The following EPHA6 variants were observed in gnomAD, a reference collection of about 807,000 sequenced individuals.
EPHA6 encodes EPH receptor A6.
A neutral mutation model predicts 112.0 loss-of-function variants in EPHA6; 50 were observed. The observed-to-expected ratio is 0.45, with a 90% confidence interval of 0.36 to 0.56. The LOEUF is 0.56. EPHA6 is among the 20% of genes least tolerant of loss of function. The probability of loss-of-function intolerance (pLI) is 0.00; values close to 1 mark genes in which losing one functional copy is unlikely to be tolerated. For missense variants in EPHA6, 1,280 were observed against 1,417.4 expected (o/e 0.90, Z 1.56); for synonymous variants, 529 against 490.7 (o/e 1.08, Z -1.03).
chr3:97,744,100 C>T (rs553273818), intron 16 of EPHA6, among the ~76,000 whole-genome samples: 2 of 151,884 alleles, frequency 1.3e-5, no homozygotes, highest in African/African-American at 2.4e-5. Context: ...TATACTCCAG[C>T]CCTTTCTATA....
At chr3:97,083,035 A>G (rs868790433) in intron 3 of EPHA6, among the ~76,000 whole-genome samples, 42 of 151,894 alleles carry the variant, frequency 2.8e-4, no homozygotes, top group African/African-American at 9.9e-4. Flanking sequence ...TTCTAACTTA[A>G]TATTCTATCT....
At chr3:97,441,558 G>C in intron 6 of EPHA6, 1 of 416,428 alleles carries the variant, frequency 2.4e-6, no homozygotes, top group Non-Finnish European at 3.2e-6. Flanking sequence ...TGTTTTTACT[G>C]TTACTTTGCA....
intron 2 of EPHA6, among the ~76,000 whole-genome samples, chr3:96,887,844 G>C (rs1189483510): frequency 6.6e-6 from 1 of 151,996 alleles, no homozygotes; most frequent in Non-Finnish European, 1.5e-5. Context: ...TCCCTCTGCT[G>C]AGTCATGCAG....
chr3:97,027,793 CCCTTTGTGG>C (rs750638028), intron 3 of EPHA6, among the ~76,000 whole-genome samples: 40 of 152,164 alleles, frequency 2.6e-4, no homozygotes, highest in Non-Finnish European at 4.1e-4. Context: ...TTATTAACAT[CCCTTTGTGG>C]CCGTAACTAC....
chr3:97,649,139 T>C (rs1257295936), intron 14 of EPHA6, among the ~76,000 whole-genome samples: 1 of 152,052 alleles, frequency 6.6e-6, no homozygotes, highest in African/African-American at 2.4e-5. Context: ...TTATAAAGGA[T>C]AGAGGTTTAA....
At chr3:97,583,622 G>A (rs1041606603) in intron 11 of EPHA6, among the ~76,000 whole-genome samples, 2 of 151,826 alleles carry the variant, frequency 1.3e-5, no homozygotes, top group Non-Finnish European at 2.9e-5. Flanking sequence ...ACAAAACTCT[G>A]ATGAAAGAAA....
chr3:97,309,766 A>G (rs1412419686), intron 5 of EPHA6, among the ~76,000 whole-genome samples: 1 of 151,652 alleles, frequency 6.6e-6, no homozygotes, highest in Non-Finnish European at 1.5e-5. Context: ...ATACATTTTG[A>G]CAGAATGAGA....
At chr3:97,163,067 G>C (rs1448305395) in intron 3 of EPHA6, among the ~76,000 whole-genome samples, 4 of 151,902 alleles carry the variant, frequency 2.6e-5, no homozygotes, top group African/African-American at 9.7e-5. Flanking sequence ...TCCACTGTAA[G>C]GTCTGGCTTA....
chr3:97,168,863 A>T (rs2076613318), intron 3 of EPHA6, among the ~76,000 whole-genome samples: 1 of 152,144 alleles, frequency 6.6e-6, no homozygotes, highest in South Asian at 2.1e-4. Context: ...ATACCTGAAA[A>T]TATGGAAGCA....
At chr3:97,370,630 A>G (rs2084993603) in intron 5 of EPHA6, among the ~76,000 whole-genome samples, 1 of 152,182 alleles carries the variant, frequency 6.6e-6, no homozygotes, top group Non-Finnish European at 1.5e-5. Context: ...TGTAGTGGCT[A>G]TAATATATTT....
intron 3 of EPHA6, among the ~76,000 whole-genome samples, chr3:97,148,116 G>T (rs2108368247): frequency 6.6e-6 from 1 of 152,064 alleles, no homozygotes; most frequent in African/African-American, 2.4e-5. Flanking sequence ...TAATATACAG[G>T]TTTTTTAAAC....
chr3:97,116,427 C>G, intron 3 of EPHA6, among the ~76,000 whole-genome samples: 1 of 151,622 alleles, frequency 6.6e-6, no homozygotes, highest in East Asian at 1.9e-4. Flanking sequence ...TAACTATAGT[C>G]ATCATACTTT....
chr3:97,016,556 C>T (rs1253682589), intron 3 of EPHA6, among the ~76,000 whole-genome samples: 1 of 152,068 alleles, frequency 6.6e-6, no homozygotes, highest in Non-Finnish European at 1.5e-5. Flanking sequence ...TTTATAATAG[C>T]TCTATTAAGT....
At chr3:97,612,163 C>G (rs1223855656) in intron 13 of EPHA6, among the ~76,000 whole-genome samples, 1 of 151,912 alleles carries the variant, frequency 6.6e-6, no homozygotes, top group African/African-American at 2.4e-5. Flanking sequence ...TTCATTTAAC[C>G]TGTTCTAAAT....
chr3:97,004,158 C>T (rs1355050008), intron 3 of EPHA6, among the ~76,000 whole-genome samples: 2 of 151,938 alleles, frequency 1.3e-5, no homozygotes, highest in South Asian at 2.1e-4. Flanking sequence ...GGTTATATAC[C>T]CAGTAATGGC....
At chr3:97,549,370 T>C (rs994288581) in intron 11 of EPHA6, among the ~76,000 whole-genome samples, 1 of 152,098 alleles carries the variant, frequency 6.6e-6, no homozygotes, top group Non-Finnish European at 1.5e-5. Flanking sequence ...CTAAAGGTGA[T>C]TAAAGATGAG....
At chr3:97,322,336 CAT>C (rs959096594) in intron 5 of EPHA6, among the ~76,000 whole-genome samples, 4 of 152,116 alleles carry the variant, frequency 2.6e-5, no homozygotes, top group Admixed American at 2.6e-4. Context: ...CCTATACCCA[CAT>C]TTCCTGTTTA....
At chr3:97,071,813 C>T (rs2046367618) in intron 3 of EPHA6, among the ~76,000 whole-genome samples, 1 of 151,834 alleles carries the variant, frequency 6.6e-6, no homozygotes, top group Non-Finnish European at 1.5e-5. Flanking sequence ...GATTTTGGTG[C>T]ACCGATCACC....
chr3:96,846,867 G>T (rs1414768041), intron 1 of EPHA6, among the ~76,000 whole-genome samples: 2 of 152,004 alleles, frequency 1.3e-5, no homozygotes, highest in Non-Finnish European at 2.9e-5. Flanking sequence ...AAATAATCTT[G>T]GTAACTTTTC....
Sources: allele counts gnomAD v4.1 joint callset (sites outside exome capture counted in the v4.1 genomes callset), GRCh38; gene constraint gnomAD v4.1.1; transcripts MANE v1.5; gene names NCBI Gene and HGNC (gene_info 2026-07-23, HGNC 2026-07-21).